The following PDZRN3 variants were observed in gnomAD, a reference collection of about 807,000 sequenced individuals.
The protein encoded by PDZRN3 is PDZ domain containing ring finger 3, also known as E3 ubiquitin-protein ligase PDZRN3.
A neutral mutation model predicts 85.7 loss-of-function variants in PDZRN3; 38 were observed. The ratio of observed to expected loss-of-function variants is 0.44; its 90% CI spans 0.34 to 0.58. The LOEUF (loss-of-function observed/expected upper bound fraction) is 0.58, where lower values mean the gene tolerates loss of function less well. Ranked by LOEUF, PDZRN3 falls within the 20% of genes least tolerant of loss-of-function variation. The pLI is 0.01. For missense variants in PDZRN3, 1,629 were observed against 1,506.4 expected, an observed-to-expected ratio of 1.08 and a Z score of -1.35; for synonymous variants, 759 against 638.0, an observed-to-expected ratio of 1.19 and a Z score of -2.86.
chr3:73,480,943 T>C (rs1214016194), intron 3 of PDZRN3, among the ~76,000 whole-genome samples: 1 of 152,260 alleles, frequency 6.6e-6, no homozygotes, highest in Non-Finnish European at 1.5e-5. Context: ...TGATGGCTTG[T>C]TTATATATAC....
intron 3 of PDZRN3, among the ~76,000 whole-genome samples, chr3:73,589,354 T>C (rs1702322055): frequency 6.6e-6 from 1 of 152,242 alleles, no homozygotes; most frequent in Admixed American, 6.5e-5. Context: ...ATGGCTCTTA[T>C]TACTGAATCC....
chr3:73,579,545 T>A (rs902568594), intron 3 of PDZRN3, among the ~76,000 whole-genome samples: 1 of 152,238 alleles, frequency 6.6e-6, no homozygotes, highest in Non-Finnish European at 1.5e-5. Context: ...TTAAAAGTAC[T>A]ACTATGATTT....
At chr3:73,492,984 C>CTT (rs5850113) in intron 3 of PDZRN3, among the ~76,000 whole-genome samples, 26,589 of 103,398 alleles carry the variant, frequency 0.26, 4,655 homozygotes, top group African/African-American at 0.45. Context: ...GCTTTTCAAC[C>CTT]TTTTTTTTTT....
chr3:73,570,296 G>C (rs1702026797), intron 3 of PDZRN3, among the ~76,000 whole-genome samples: 1 of 152,140 alleles, frequency 6.6e-6, no homozygotes, highest in African/African-American at 2.4e-5. Context: ...AACTTATGAG[G>C]CATACATCTA....
intron 5 of PDZRN3, among the ~76,000 whole-genome samples, chr3:73,400,022 C>T (rs1172051425): frequency 6.6e-6 from 1 of 152,194 alleles, no homozygotes; most frequent in African/African-American, 2.4e-5. Flanking sequence ...AACAATTCAA[C>T]TTCAGAAGTA....
chr3:73,416,867 TTTTTTTTGG>T, intron 3 of PDZRN3, among the ~76,000 whole-genome samples: 1 of 72,692 alleles, frequency 1.4e-5, no homozygotes, highest in South Asian at 4.6e-4. Flanking sequence ...TTTTGTTTGT[TTTTTTTTGG>T]TTTTTTTTTT....
At chr3:73,438,057 A>G (rs1702563907) in intron 3 of PDZRN3, among the ~76,000 whole-genome samples, 1 of 152,242 alleles carries the variant, frequency 6.6e-6, no homozygotes, top group African/African-American at 2.4e-5. Context: ...TAGTAATCAC[A>G]TCACTGGAAA....
intron 1 of PDZRN3, among the ~76,000 whole-genome samples, chr3:73,613,809 G>A (rs1335625782): frequency 6.6e-6 from 1 of 152,034 alleles, no homozygotes; most frequent in Non-Finnish European, 1.5e-5. Context: ...GGCTTGGCAG[G>A]AAGCTCTATC....
At chr3:73,535,491 C>T (rs1466270940) in intron 3 of PDZRN3, among the ~76,000 whole-genome samples, 2 of 152,188 alleles carry the variant, frequency 1.3e-5, no homozygotes, top group Non-Finnish European at 2.9e-5. Context: ...GATGTATCAG[C>T]CAAGCCATGG....
chr3:73,412,435 A>G (rs894081024), intron 3 of PDZRN3, among the ~76,000 whole-genome samples: 5 of 152,214 alleles, frequency 3.3e-5, no homozygotes, highest in African/African-American at 1.2e-4. Flanking sequence ...TTGTTATCAC[A>G]CGGAGTTAAA....
At chr3:73,412,179 A>G (rs779672435) in intron 3 of PDZRN3, among the ~76,000 whole-genome samples, 1 of 152,214 alleles carries the variant, frequency 6.6e-6, no homozygotes, top group Non-Finnish European at 1.5e-5. Flanking sequence ...TACAGCCACA[A>G]ATTGAAGGAG....
intron 3 of PDZRN3, among the ~76,000 whole-genome samples, chr3:73,502,037 TAA>T (rs1354593926): frequency 1.2e-5 from 1 of 83,854 alleles, no homozygotes; most frequent in African/African-American, 1.3e-4. Context: ...TGAAATGAAA[TAA>T]AATAAAATAA....
chr3:73,449,978 T>C (rs893304547), intron 3 of PDZRN3, among the ~76,000 whole-genome samples: 5 of 152,260 alleles, frequency 3.3e-5, no homozygotes, highest in African/African-American at 7.2e-5. Flanking sequence ...GCACACGCCA[T>C]AGGTACCTCC....
At chr3:73,584,997 T>A (rs1702258034) in intron 3 of PDZRN3, among the ~76,000 whole-genome samples, 1 of 152,146 alleles carries the variant, frequency 6.6e-6, no homozygotes, top group African/African-American at 2.4e-5. Context: ...TTTTTCAAAA[T>A]AAACTATTTT....
At chr3:73,408,387 A>G (rs1701897149) in intron 3 of PDZRN3, 1 of 590,650 alleles carries the variant, frequency 1.7e-6, no homozygotes, top group African/African-American at 1.9e-5. Flanking sequence ...GGGATCCTGT[A>G]GTAGAAGAGA....
At chr3:73,624,015 G>A (rs368425648) in intron 1 of PDZRN3, 88 bp downstream of exon 1, 2 of 1,236,300 alleles carry the variant, frequency 1.6e-6, no homozygotes, top group East Asian at 3.2e-5. Context: ...CGGGAAGCTC[G>A]GGGCATCCCT....
chr3:73,607,058 C>T (rs145505241), intron 2 of PDZRN3, among the ~76,000 whole-genome samples: 70 of 152,242 alleles, frequency 4.6e-4, no homozygotes, highest in Middle Eastern at 3.4e-3. Context: ...ACTTGCAGCT[C>T]CCCCAGTTCC....
intron 3 of PDZRN3, among the ~76,000 whole-genome samples, chr3:73,501,251 C>T (rs1194683319): frequency 1.3e-5 from 2 of 152,236 alleles, no homozygotes; most frequent in Admixed American, 6.5e-5. Context: ...CTTAAAATCA[C>T]ATCCACTCCT....
chr3:73,567,178 A>T (rs1488705849), intron 3 of PDZRN3, among the ~76,000 whole-genome samples: 1 of 152,218 alleles, frequency 6.6e-6, no homozygotes, highest in African/African-American at 2.4e-5. Context: ...GCAACATGTT[A>T]TAAGAATCTG....
Sources: gnomAD v4.1 joint callset for allele counts (sites outside exome capture counted in the v4.1 genomes callset) on GRCh38, gnomAD v4.1.1 for gene constraint, MANE v1.5 for transcripts, NCBI Gene and HGNC (gene_info 2026-07-23, HGNC 2026-07-21) for gene names.